HS2ST1: variants seen among roughly 807,000 people sequenced by gnomAD.
HS2ST1 encodes the protein 2-O-sulfotransferase.
HS2ST1 carries 18 observed loss-of-function variants against 42.9 expected under a neutral mutation model. That is an observed-to-expected ratio of 0.42 (90% CI 0.29 to 0.62). The LOEUF (loss-of-function observed/expected upper bound fraction) is 0.62. HS2ST1 is among the 20% of genes least tolerant of loss of function. The pLI, the probability that HS2ST1 is intolerant of heterozygous loss-of-function variation, is 0.21. For missense variants in HS2ST1, 334 were observed against 433.8 expected (o/e 0.77, Z 2.04); for synonymous variants, 146 against 152.9 (o/e 0.95, Z 0.33).
intron 1 of HS2ST1, among the ~76,000 whole-genome samples, chr1:86,933,199 A>G (rs368360667): frequency 5.3e-5 from 8 of 152,102 alleles, no homozygotes; most frequent in African/African-American, 1.9e-4. Flanking sequence ...TTTGAGCTTC[A>G]TGGATCTGTA....
In HS2ST1 at chr1:87,105,456, T is replaced by C. The variant is rs1012952985; in HGVS notation, c.*760T>C. On this transcript the variant is annotated 3_prime_UTR_variant, in exon 7 of 7. Transcript: ENST00000370550. ...CACATTAATATCAAAAAAGTAAGTT[T>C]AGTATTTGTTTCTCCATGGGTTATT... The C allele has an allele frequency of 1.3e-5, 2 of 152,330 alleles. No homozygotes were observed. Among genetic ancestry groups the C allele is most frequent in the African/African-American group, 4.8e-5 (2 of 41,460 alleles). The allele number at this position is 152,330 out of a possible 1,614,324, so 9.4% of individuals were successfully genotyped here.
At chr1:86,993,166 A>G in intron 1 of HS2ST1, 2 of 1,583,956 alleles carry the variant, frequency 1.3e-6, no homozygotes, top group Non-Finnish European at 1.7e-6. Flanking sequence ...AACCCTCATC[A>G]ACTGACTTTC....
chr1:87,018,708 ATCT>A (rs1649835388), intron 1 of HS2ST1, among the ~76,000 whole-genome samples: 1 of 152,126 alleles, frequency 6.6e-6, no homozygotes, highest in African/African-American at 2.4e-5. Context: ...CAAAATCTGG[ATCT>A]TAGTCTGGGG....
intron 1 of HS2ST1, among the ~76,000 whole-genome samples, chr1:86,943,956 G>T (rs1570436747): frequency 6.6e-6 from 1 of 152,008 alleles, no homozygotes; most frequent in Admixed American, 6.6e-5. Flanking sequence ...AACCCAGGAG[G>T]TGGAGGTTTG....
At chr1:87,053,437 A>C (rs1650882316) in intron 1 of HS2ST1, among the ~76,000 whole-genome samples, 1 of 152,184 alleles carries the variant, frequency 6.6e-6, no homozygotes, top group African/African-American at 2.4e-5. Flanking sequence ...GCTTATATAT[A>C]ATTTACTCCT....
At position 87,108,473 on chromosome 1, in the gene HS2ST1, G is replaced by A. The variant is rs1248557256; in HGVS notation, c.*3777G>A. The A allele has an allele frequency of 6.6e-6, 1 of 152,182 alleles. No individual in the cohort carries two copies. The highest frequency in any genetic ancestry group is 2.1e-4 in the South Asian group (1 of 4,832). The allele number at this position is 152,182 out of a possible 1,614,324, so 9.4% of individuals were successfully genotyped here. On this transcript the variant is annotated 3_prime_UTR_variant, in exon 7 of 7. Transcript: ENST00000370550. The stretch of plus-strand genomic sequence containing the variant: ...TACTTTCAGAGGAAGCAGAGAAGTT[G>A]CTGTTATGTTTTTGCATCCGTTTAC...
intron 1 of HS2ST1, among the ~76,000 whole-genome samples, chr1:86,979,288 A>G (rs972469684): frequency 5.9e-5 from 9 of 152,202 alleles, no homozygotes; most frequent in African/African-American, 2.2e-4. Flanking sequence ...TGCAACCATT[A>G]TCACTATCTA....
chr1:87,035,050 G>T (rs1650338201), intron 1 of HS2ST1, among the ~76,000 whole-genome samples: 1 of 152,174 alleles, frequency 6.6e-6, no homozygotes, highest in Non-Finnish European at 1.5e-5. Context: ...ATGCTGTGCA[G>T]CTGGAGGATG....
At chr1:87,072,824 GT>G in intron 1 of HS2ST1, 109 bp from the exon 2 acceptor site, 1 of 776,104 alleles carries the variant, frequency 1.3e-6, no homozygotes, top group Non-Finnish European at 2.1e-6. Context: ...CTTTGCTTTT[GT>G]TTTTTGTTTT....
At chr1:87,021,445 T>C (rs1649947995) in intron 1 of HS2ST1, among the ~76,000 whole-genome samples, 1 of 152,218 alleles carries the variant, frequency 6.6e-6, no homozygotes, top group South Asian at 2.1e-4. Flanking sequence ...GTCAAATTCA[T>C]ATTTTCCAAA....
chr1:86,951,539 TA>T (rs10716207), intron 1 of HS2ST1, among the ~76,000 whole-genome samples: 3,631 of 152,018 alleles, frequency 0.024, 76 homozygotes, highest in African/African-American at 0.05. Flanking sequence ...ACTTTATTGC[TA>T]AAAAAAATGC....
At chr1:87,055,168 C>T (rs1650929461) in intron 1 of HS2ST1, among the ~76,000 whole-genome samples, 1 of 152,170 alleles carries the variant, frequency 6.6e-6, no homozygotes, top group Admixed American at 6.5e-5. Flanking sequence ...CTTACACAAG[C>T]TTGAAATAAA....
Position 86,915,134 on chromosome 1 carries a change from A to G in HS2ST1, c.98A>G (p.Lys33Arg), listed in dbSNP as rs2102145321. The change falls in exon 1 of 7, where the codon AAA becomes AGA. Residue 33 changes from lysine (K) to arginine (R), a missense_variant. Physicochemically the swap from Lys to Arg is conservative, Grantham distance 26. Transcript: ENST00000370550. ...AMLFLENQIQ[K>R]LEESRSKLER... ...CTCTTCTTGGAAAACCAGATCCAGA[A>G]ACTGGAGGAGTCCCGCTCGAAGCTA... 1 of 1,613,924 alleles carries G rather than the reference A, an allele frequency of 6.2e-7. No individual in the cohort carries two copies. The highest frequency in any genetic ancestry group is 2.2e-5 in the East Asian group (1 of 44,854).
rs1490289310 is a variant in HS2ST1 at position 86,917,680 on chromosome 1, A to G, written c.124+2520A>G. On this transcript the variant is annotated intron_variant, in intron 1 of 6. Coordinates refer to ENST00000370550, the MANE Select transcript of HS2ST1 (RefSeq NM_012262.4). ...TTCCAAATCAAGTGCTCCTTTAATTATGTCCGGCTGCTTAAGACTTTATAT... is the reference window on the plus strand; with the variant it reads ...TTCCAAATCAAGTGCTCCTTTAATTGTGTCCGGCTGCTTAAGACTTTATAT... Among the ~76,000 whole-genome samples the G allele has an allele frequency of 2.0e-5, 3 of 152,236 alleles. No individual in the cohort carries two copies. The East Asian group carries it at 5.8e-4, about 29-fold the overall frequency.
chr1:87,012,956 G>A (rs115291308), intron 1 of HS2ST1, among the ~76,000 whole-genome samples: 441 of 152,332 alleles, frequency 2.9e-3, no homozygotes, highest in Non-Finnish European at 4.8e-3. Context: ...GATGCAGGAG[G>A]TGGGCTTCCC....
chr1:86,914,793 C>T lies in HS2ST1; in HGVS notation c.-244C>T, dbSNP rs1286536895. The T allele has an allele frequency of 5.6e-6, 3 of 537,812 alleles. No individual in the cohort carries two copies. The highest frequency in any genetic ancestry group is 3.4e-5 in the East Asian group (1 of 29,558). 33.3% of individuals were successfully genotyped at this position (537,812 alleles called of 1,614,324 possible). A position where few individuals can be genotyped will look rare whatever the true frequency, so the allele number is the denominator to read the frequency against. On this transcript the variant is annotated 5_prime_UTR_variant, in exon 1 of 7. Coordinates refer to ENST00000370550, the MANE Select transcript of HS2ST1 (RefSeq NM_012262.4). Reference sequence around the variant, plus strand: ...CAGCCGCTTCGCGCTGTTTGCTGCGCGGGCTTTTGGAGGGGGCGGCCGTTT... The same window carrying T: ...CAGCCGCTTCGCGCTGTTTGCTGCGTGGGCTTTTGGAGGGGGCGGCCGTTT...
At position 87,092,567 on chromosome 1, in the gene HS2ST1, C is replaced by T. The variant is rs1339546887; in HGVS notation, c.486C>T (p.Val162=). 28 of 1,573,068 alleles carry T rather than the reference C, an allele frequency of 1.8e-5. No individual in the cohort carries two copies. Among genetic ancestry groups the T allele is most frequent in the Admixed American group, 7.7e-5 (4 of 52,220 alleles). ...AGAAGAAACCAATTTACATTAATGT[C>T]ATAAGGGATCCTATTGAGAGGCTAG... ...GVKKKPIYIN[V]IRDPIERLVS... The change falls in exon 4 of 7, where the codon GTC becomes GTT. Residue 162 remains valine, a synonymous_variant. Transcript: ENST00000370550.
intron 1 of HS2ST1, among the ~76,000 whole-genome samples, chr1:86,940,507 C>T (rs1412910631): frequency 6.6e-6 from 1 of 152,160 alleles, no homozygotes; most frequent in Non-Finnish European, 1.5e-5. Context: ...GGTGACTTCA[C>T]ATATATTATT....
At chr1:86,944,838 T>C (rs1399365471) in intron 1 of HS2ST1, among the ~76,000 whole-genome samples, 4 of 152,008 alleles carry the variant, frequency 2.6e-5, no homozygotes, top group African/African-American at 4.8e-5. Flanking sequence ...TTTTTGCTTA[T>C]GTTCATTAAG....
Sources: allele counts gnomAD v4.1 joint callset (sites outside exome capture counted in the v4.1 genomes callset), GRCh38; gene constraint gnomAD v4.1.1; transcripts MANE v1.5; gene names NCBI Gene and HGNC (gene_info 2026-07-23, HGNC 2026-07-21).